The following KNG1 variants were observed in gnomAD, a reference collection of about 807,000 sequenced individuals.
KNG1 encodes the protein kininogen 1.
KNG1 carries 23 observed loss-of-function variants against 47.8 expected under a neutral mutation model. The ratio of observed to expected loss-of-function variants is 0.48; its 90% confidence interval spans 0.35 to 0.68. The LOEUF (loss-of-function observed/expected upper bound fraction) is 0.68, where lower values mean the gene tolerates loss of function less well. KNG1 is among the 30% of genes least tolerant of loss of function. The probability of loss-of-function intolerance (pLI) is 0.01; values close to 1 mark genes in which losing one functional copy is unlikely to be tolerated. For missense variants in KNG1, 762 were observed against 790.2 expected (o/e 0.96, Z 0.43); for synonymous variants, 277 against 277.0 (o/e 1.00, Z 0.00).
At chr3:186,722,831 C>T (rs1017865770) in intron 3 of KNG1, among the ~76,000 whole-genome samples, 3 of 152,148 alleles carry the variant, frequency 2.0e-5, no homozygotes, top group African/African-American at 2.4e-5. Flanking sequence ...GATTGAGGAG[C>T]GCATAGGCTT....
chr3:186,744,008 C>A lies in KNG1; in HGVS notation c.*1677C>A. ...CATTCTGCAGCAAATTCCAGCTGGT[C>A]AGAGAGTCAGTGCTGTGGCTCTGCC... On this transcript the variant is annotated 3_prime_UTR_variant, in exon 10 of 10. Coordinates refer to ENST00000644859, the MANE Select transcript of KNG1 (RefSeq NM_001102416.3). 1.7e-6 allele frequency: 1 copy of A among 587,162 alleles called. No homozygotes were observed. Among genetic ancestry groups the A allele is most frequent in the East Asian group, 3.0e-5 (1 of 33,198 alleles). The allele number at this position is 587,162 out of a possible 1,614,324, so 36.4% of individuals were successfully genotyped here. A position where few individuals can be genotyped will look rare whatever the true frequency, so the allele number is the denominator to read the frequency against.
intron 5 of KNG1, among the ~76,000 whole-genome samples, chr3:186,731,112 T>G (rs184689569): frequency 1.3e-5 from 2 of 152,334 alleles, no homozygotes; most frequent in Admixed American, 1.3e-4. Flanking sequence ...TGTCCAATAT[T>G]ACTAATACTG....
In KNG1 at chr3:186,732,527, C is replaced by G. The variant is rs1258265781; in HGVS notation, c.783C>G (p.Thr261=). The G allele has an allele frequency of 1.2e-6, 2 of 1,614,124 alleles. No homozygotes were observed. The highest frequency in any genetic ancestry group is 4.5e-5 in the East Asian group (2 of 44,886). ...GGAAGGATTTTGTACAACCACCTAC[C>G]AAGATTTGCGTGGGCTGCCCCAGAG... ...YPGKDFVQPP[T]KICVGCPRDI... Residue 261 remains threonine, a synonymous_variant, in exon 7 of 10, where the codon ACC becomes ACG. Coordinates refer to ENST00000644859, the MANE Select transcript of KNG1 (RefSeq NM_001102416.3).
At position 186,717,705 on chromosome 3, in the gene KNG1, G is replaced by C. The variant is rs753754696; in HGVS notation, c.163G>C (p.Val55Leu). 6 of 1,612,982 alleles carry C rather than the reference G, an allele frequency of 3.7e-6. No homozygotes were observed. The Admixed American group carries it at 8.3e-5, about 22-fold the overall frequency. ...NSQNQSNNQF[V>L]LYRITEATKT... The stretch of plus-strand genomic sequence containing the variant: ...TCAAAACCAAAGTAACAACCAGTTT[G>C]TATTGTACCGCATAACTGAAGCCAC... The change falls in exon 1 of 10, where the codon GTA becomes CTA. Residue 55 changes from valine (V) to leucine (L), a missense_variant. Transcript: ENST00000644859.
chr3:186,723,587 G>T (rs1720266370), intron 3 of KNG1, among the ~76,000 whole-genome samples: 1 of 151,982 alleles, frequency 6.6e-6, no homozygotes, highest in African/African-American at 2.4e-5. Flanking sequence ...GGCTTTAAAT[G>T]ATATGATTTC....
intron 9 of KNG1, among the ~76,000 whole-genome samples, chr3:186,741,302 G>C (rs565343276): frequency 9.2e-5 from 14 of 151,984 alleles, no homozygotes; most frequent in African/African-American, 3.1e-4. Flanking sequence ...CTATTTTATG[G>C]TATTATTAAC....
At chr3:186,735,550 G>A (rs535753164) in intron 7 of KNG1, among the ~76,000 whole-genome samples, 3 of 151,964 alleles carry the variant, frequency 2.0e-5, no homozygotes, top group African/African-American at 7.2e-5. Flanking sequence ...CTCGGGAGGC[G>A]GAGGTTGCAG....
Position 186,727,251 on chromosome 3 carries a change from G to T in KNG1, c.579G>T (p.Leu193Phe). ...KRAQRQVVAG[L>F]NFRITYSIVQ... ...AATTGTTTCAGGTGGTGGCTGGATTGAACTTTCGAATTACCTACTCAATTG... is the reference window on the plus strand; with the variant it reads ...AATTGTTTCAGGTGGTGGCTGGATTTAACTTTCGAATTACCTACTCAATTG... The change falls in exon 5 of 10, where the codon TTG (leucine) becomes TTT (phenylalanine). Residue 193 changes from leucine to phenylalanine, a missense_variant. By Grantham distance (22) the Leu-to-Phe change is conservative (BLOSUM62 0). Transcript: ENST00000644859. 1 of 1,612,166 alleles carries T rather than the reference G, an allele frequency of 6.2e-7. No homozygotes were observed. Among genetic ancestry groups the T allele is most frequent in the South Asian group, 1.1e-5 (1 of 91,002 alleles).
chr3:186,720,861 C>T (rs544674165), intron 2 of KNG1, among the ~76,000 whole-genome samples: 35 of 142,890 alleles, frequency 2.4e-4, no homozygotes, highest in African/African-American at 9.2e-4. Flanking sequence ...GCGATCTCGG[C>T]TCACTGCAAG....
Position 186,741,560 on chromosome 3 carries a change from C to T in KNG1, c.1164C>T (p.Phe388=), listed in dbSNP as rs1579131814. 6.2e-7 allele frequency: 1 copy of T among 1,610,202 alleles called. No homozygotes were observed. The highest frequency in any genetic ancestry group is 1.7e-4 in the Middle Eastern group (1 of 6,028). The part of the protein sequence containing the change: ...LMKRPPGFSP[F]RSSRIGEIKE... ...AAAGGCCTCCAGGTTTTTCACCTTT[C>T]CGATCATCACGAATAGGGGAAATAA... Residue 388 remains phenylalanine, a synonymous_variant, in exon 10 of 10, where the codon TTC becomes TTT. Coordinates refer to ENST00000644859, the MANE Select transcript of KNG1 (RefSeq NM_001102416.3).
In KNG1 at chr3:186,743,658, T is replaced by G. The variant is rs954155571; in HGVS notation, c.*1327T>G. The stretch of plus-strand genomic sequence containing the variant: ...AACTGGTTGCTCCACTTTTTAAAAA[T>G]GATTGAATGATAACATCATATTAAC... On this transcript the variant is annotated 3_prime_UTR_variant, in exon 10 of 10. Transcript: ENST00000644859. The G allele has an allele frequency of 7.0e-7, 1 of 1,430,910 alleles. No individual in the cohort carries two copies. The highest frequency in any genetic ancestry group is 2.3e-5 in the East Asian group (1 of 44,014). 88.6% of individuals were successfully genotyped at this position (1,430,910 alleles called of 1,614,324 possible).
intron 3 of KNG1, among the ~76,000 whole-genome samples, chr3:186,723,718 G>A (rs939703435): frequency 1.3e-5 from 2 of 151,620 alleles, no homozygotes; most frequent in African/African-American, 2.4e-5. Context: ...GCAGTGGCAC[G>A]ATCTAGGCTC....
In KNG1 at chr3:186,724,549, C is replaced by T. The variant is rs1042302019; in HGVS notation, c.392-539C>T. On this transcript the variant is annotated intron_variant, in intron 3 of 9. Coordinates refer to ENST00000644859, the MANE Select transcript of KNG1 (RefSeq NM_001102416.3). ...ACATATCTGTTGGCCATTTGTATGT[C>T]GTCTTTTGAGAAATGCCTACTGAGA... 3.3e-5 allele frequency among the ~76,000 whole-genome samples: 5 copies of T among 152,026 alleles called. No individual in the cohort carries two copies. The East Asian group carries it at 7.7e-4, about 23-fold the overall frequency.
intron 9 of KNG1, among the ~76,000 whole-genome samples, chr3:186,741,180 G>T (rs1456200940): frequency 6.6e-6 from 1 of 152,076 alleles, no homozygotes; most frequent in Non-Finnish European, 1.5e-5. Context: ...TTTTAGTAGA[G>T]ATGGGGTTTC....
rs771958732 is a variant in KNG1, at chr3:186,739,138, A to C, written c.970A>C (p.Arg324=). Residue 324 remains arginine (R), a synonymous_variant, in exon 8 of 10, where the codon AGG becomes CGG. Coordinates refer to ENST00000644859, the MANE Select transcript of KNG1 (RefSeq NM_001102416.3). ...GAAATATTTTATTGACTTCGTGGCCAGGGAAACCACATGTTCCAAGGAAAG... is the reference window on the plus strand; with the variant it reads ...GAAATATTTTATTGACTTCGTGGCCCGGGAAACCACATGTTCCAAGGAAAG... The part of the protein sequence containing the change: ...GKKYFIDFVA[R]ETTCSKESNE... The C allele has an allele frequency of 1.9e-6, 3 of 1,614,072 alleles. No homozygotes were observed. Among genetic ancestry groups the C allele is most frequent in the Admixed American group, 1.7e-5 (1 of 59,996 alleles).
intron 7 of KNG1, chr3:186,738,851 A>G: frequency 2.5e-6 from 1 of 394,514 alleles, no homozygotes; most frequent in Non-Finnish European, 4.7e-6. Flanking sequence ...CATCTCAAAA[A>G]AAAAAAATAA....
chr3:186,741,421 C>T, intron 9 of KNG1, 101 bp from the exon 10 acceptor site: 1 of 1,031,558 alleles, frequency 9.7e-7, no homozygotes, highest in Non-Finnish European at 1.4e-6. Flanking sequence ...ACACCTCCCC[C>T]ATTGTAAACT....
Position 186,743,267 on chromosome 3 carries a change from G to A in KNG1, c.*936G>A, listed in dbSNP as rs1720860405. The A allele has an allele frequency of 5.5e-6, 1 of 182,662 alleles. No individual in the cohort carries two copies. The highest frequency in any genetic ancestry group is 1.2e-4 in the South Asian group (1 of 8,478). 11.3% of individuals were successfully genotyped at this position (182,662 alleles called of 1,614,324 possible). ...ATAAAACTTTTTAAATAATTGACAA[G>A]GGAATATTATGGAATGTGATGCAAA... On this transcript the variant is annotated 3_prime_UTR_variant, in exon 10 of 10. Coordinates refer to ENST00000644859, the MANE Select transcript of KNG1 (RefSeq NM_001102416.3).
intron 2 of KNG1, chr3:186,721,124 C>T (rs556466186): frequency 2.0e-5 from 3 of 152,212 alleles, no homozygotes; most frequent in Admixed American, 2.0e-4. Context: ...AGATTTCAGA[C>T]AGTATCTGCC....
Sources: gnomAD v4.1 joint callset for allele counts (sites outside exome capture counted in the v4.1 genomes callset) on GRCh38, gnomAD v4.1.1 for gene constraint, MANE v1.5 for transcripts, NCBI Gene and HGNC (gene_info 2026-07-23, HGNC 2026-07-21) for gene names.